The following NPAS2 variants were observed in gnomAD, a reference collection of about 807,000 sequenced individuals.
The protein encoded by NPAS2 is neuronal PAS domain-containing protein 2.
Under a neutral mutation model 107.5 loss-of-function variants are expected in NPAS2, and 23 were observed. The observed-to-expected ratio is 0.21, with a 90% CI of 0.15 to 0.30. The LOEUF (loss-of-function observed/expected upper bound fraction) is 0.30, where lower values mean the gene tolerates loss of function less well. NPAS2 is among the 10% of genes least tolerant of loss of function. The pLI is 1.00. For missense variants in NPAS2, 756 were observed against 1,043.3 expected (o/e 0.72, Z 3.79); for synonymous variants, 403 against 417.5 (o/e 0.97, Z 0.42).
intron 1 of NPAS2, among the ~76,000 whole-genome samples, chr2:100,824,562 C>T (rs1012761650): frequency 2.0e-5 from 3 of 152,126 alleles, no homozygotes; most frequent in Non-Finnish European, 4.4e-5. Flanking sequence ...CACCATAGTA[C>T]GAGTTACTTG....
At chr2:100,950,671 C>T (rs1192511366) in intron 7 of NPAS2, among the ~76,000 whole-genome samples, 1 of 152,212 alleles carries the variant, frequency 6.6e-6, no homozygotes, top group Admixed American at 6.5e-5. Context: ...GCATGATTTT[C>T]AGGTCCAGGG....
At chr2:100,826,671 A>G (rs1676402783) in intron 1 of NPAS2, among the ~76,000 whole-genome samples, 1 of 151,938 alleles carries the variant, frequency 6.6e-6, no homozygotes, top group Non-Finnish European at 1.5e-5. Flanking sequence ...CCTTATCTGT[A>G]TATCTTTATG....
At position 100,925,218 on chromosome 2, in the gene NPAS2, G is replaced by A. The variant is rs1558877408; in HGVS notation, c.105G>A (p.Met35Ile). 1 of 1,614,034 alleles carries A rather than the reference G, an allele frequency of 6.2e-7. No homozygotes were observed. Among genetic ancestry groups the A allele is most frequent in the Non-Finnish European group, 8.5e-7 (1 of 1,180,024 alleles). ...FNVLIKELSSMLPGNTRKMDK... is the reference protein window; with the variant it reads ...FNVLIKELSSILPGNTRKMDK... Reference sequence around the variant, plus strand: ...TTCTCATCAAAGAGCTCAGTTCCATGCTCCCTGGCAACACGCGGAAAATGG... The same window carrying A: ...TTCTCATCAAAGAGCTCAGTTCCATACTCCCTGGCAACACGCGGAAAATGG... The change falls in exon 3 of 21, where the codon ATG (methionine) becomes ATA (isoleucine). Residue 35 changes from methionine to isoleucine, a missense_variant. This residue lies in a region of NPAS2 where 146 missense variants were observed against 249.6 expected (regional missense o/e 0.58). Coordinates refer to ENST00000335681, the MANE Select transcript of NPAS2 (RefSeq NM_002518.4).
intron 1 of NPAS2, among the ~76,000 whole-genome samples, chr2:100,850,011 T>TA (rs58359292): frequency 0.023 from 1,275 of 56,198 alleles, 44 homozygotes; most frequent in Middle Eastern, 0.045. Flanking sequence ...ACTCTTTTTG[T>TA]AAAAAAAAAA....
In NPAS2 at chr2:100,820,356, C is replaced by T. The variant is rs1469523755; in HGVS notation, c.-81C>T. 1 of 147,368 alleles carries T rather than the reference C, an allele frequency of 6.8e-6. No individual in the cohort carries two copies. Among genetic ancestry groups the T allele is most frequent in the South Asian group, 2.1e-4 (1 of 4,852 alleles). 9.1% of individuals were successfully genotyped at this position (147,368 alleles called of 1,614,324 possible). A position where few individuals can be genotyped will look rare whatever the true frequency, so the allele number is the denominator to read the frequency against. ...CTCGTCTCCCAGCGGCGGCGGGAGG[C>T]GCGTCTCCCCGGCCCAGTCCGCGCC... On this transcript the variant is annotated 5_prime_UTR_variant, in exon 1 of 21. Coordinates refer to ENST00000335681, the MANE Select transcript of NPAS2 (RefSeq NM_002518.4). The surrounding 1 kb of genome is among the most constrained non-coding windows in gnomAD (Gnocchi z 5.6).
At position 100,891,510 on chromosome 2, in the gene NPAS2, G is replaced by GGCAAT. The variant is rs1573557600; in HGVS notation, c.-22-13223_-22-13222insGCAAT. ...GGGGAGGCAATTAACCAGATGAGGC[G>GGCAAT]TCCCAACAGATTCTCCTATCGATTG... On this transcript the variant is annotated intron_variant, in intron 1 of 20. Transcript: ENST00000335681. 4.6e-5 allele frequency among the ~76,000 whole-genome samples: 7 copies of GGCAAT among 152,258 alleles called. No individual in the cohort carries two copies. In the East Asian group the frequency reaches 1.4e-3, roughly 29 times the overall value.
chr2:100,955,360 G>C (rs1432659375), intron 7 of NPAS2, among the ~76,000 whole-genome samples: 2 of 152,144 alleles, frequency 1.3e-5, no homozygotes, highest in African/African-American at 4.8e-5. Context: ...GCCTAGCATG[G>C]TCCTTACCCA....
intron 2 of NPAS2, among the ~76,000 whole-genome samples, chr2:100,910,478 T>C (rs1251897871): frequency 6.6e-6 from 1 of 151,678 alleles, no homozygotes; most frequent in East Asian, 1.9e-4. Context: ...TATCAGCCCT[T>C]CCTGCTGGGG....
intron 8 of NPAS2, 62 bp from the exon 9 acceptor site, chr2:100,964,799 C>CA (rs1367274708): frequency 2.0e-6 from 2 of 1,023,206 alleles, no homozygotes; most frequent in African/African-American, 3.4e-5. Flanking sequence ...TCCTCTTGAA[C>CA]AAACCTAGGG....
chr2:100,908,249 C>T (rs1258327075), intron 2 of NPAS2, among the ~76,000 whole-genome samples: 5 of 152,022 alleles, frequency 3.3e-5, no homozygotes, highest in East Asian at 3.9e-4. Flanking sequence ...AATGTAGCTG[C>T]GTCTGATCCC....
chr2:100,989,563 T>G (rs1454225100), intron 17 of NPAS2: 1 of 152,246 alleles, frequency 6.6e-6, no homozygotes, highest in Non-Finnish European at 1.5e-5. Flanking sequence ...ATCGGATGAA[T>G]GGACAATCAG....
chr2:100,984,512 T>C (rs924887153), intron 16 of NPAS2: 1 of 152,252 alleles, frequency 6.6e-6, no homozygotes, highest in African/African-American at 2.4e-5. Flanking sequence ...CAAGTATTTG[T>C]AGAAATAAGC....
chr2:100,946,189 A>G (rs188124289), intron 5 of NPAS2, among the ~76,000 whole-genome samples: 5 of 152,314 alleles, frequency 3.3e-5, no homozygotes, highest in African/African-American at 1.2e-4. Flanking sequence ...AGGTGAGCTC[A>G]TGGAACCTTC....
intron 1 of NPAS2, among the ~76,000 whole-genome samples, chr2:100,859,137 G>A (rs765513085): frequency 4.6e-5 from 7 of 152,166 alleles, no homozygotes; most frequent in Admixed American, 2.0e-4. Flanking sequence ...GGTAACATGC[G>A]CCTGTGATCC....
intron 7 of NPAS2, among the ~76,000 whole-genome samples, chr2:100,957,019 C>G (rs1410179604): frequency 1.3e-5 from 2 of 152,232 alleles, no homozygotes; most frequent in East Asian, 3.8e-4. Context: ...AGCCATTGCT[C>G]AGGTCCTTCA....
At chr2:100,859,042 A>C (rs1048083691) in intron 1 of NPAS2, among the ~76,000 whole-genome samples, 1 of 152,236 alleles carries the variant, frequency 6.6e-6, no homozygotes. Context: ...AGGCAGGTGG[A>C]TCACTTGAGG....
chr2:100,920,981 C>T (rs1289722582), intron 2 of NPAS2, among the ~76,000 whole-genome samples: 4 of 150,922 alleles, frequency 2.7e-5, no homozygotes, highest in Admixed American at 6.6e-5. Flanking sequence ...GGAACACAAA[C>T]ACCAGCCTCC....
chr2:100,995,128 T>C lies in NPAS2; in HGVS notation c.2293-272T>C, dbSNP rs1049408888. The stretch of plus-strand genomic sequence containing the variant: ...CACGTGTTTACGAAACCATTCCCCA[T>C]AGCCATAGCCACAGGCCTCAGTCGA... On this transcript the variant is annotated intron_variant, in intron 20 of 20. Transcript: ENST00000335681. 15 of 435,484 alleles carry C rather than the reference T, an allele frequency of 3.4e-5. No individual in the cohort carries two copies. The Admixed American group carries it at 4.4e-4, about 13-fold the overall frequency. The allele number at this position is 435,484 out of a possible 1,614,324, so 27.0% of individuals were successfully genotyped here. A position where few individuals can be genotyped will look rare whatever the true frequency, so the allele number is the denominator to read the frequency against.
At chr2:100,851,706 C>T (rs756015940) in intron 1 of NPAS2, among the ~76,000 whole-genome samples, 26 of 152,234 alleles carry the variant, frequency 1.7e-4, no homozygotes, top group Non-Finnish European at 3.2e-4. Flanking sequence ...CAAATTATAT[C>T]TACAGCATGA....
Sources: gnomAD v4.1 joint callset for allele counts (sites outside exome capture counted in the v4.1 genomes callset) on GRCh38, gnomAD v4.1.1 for gene constraint, gnomAD v4.1.1 regional missense constraint, Gnocchi (gnomAD v3.1) non-coding constraint, MANE v1.5 for transcripts, NCBI Gene and HGNC (gene_info 2026-07-23, HGNC 2026-07-21) for gene names.